The following NLRC5 variants were observed in gnomAD, a reference collection of about 807,000 sequenced individuals.
The protein encoded by NLRC5 is NLR family CARD domain containing 5.
In NLRC5, 114 loss-of-function variants were observed where a neutral mutation model predicts 206.9. That is an observed-to-expected ratio of 0.55 (90% confidence interval 0.47 to 0.64). The LOEUF (loss-of-function observed/expected upper bound fraction) is 0.64. Ranked by LOEUF, NLRC5 falls within the 30% of genes least tolerant of loss-of-function variation. The pLI is 0.00. For missense variants in NLRC5, 2,008 were observed against 2,305.5 expected, an observed-to-expected ratio of 0.87 and a Z score of 2.64; for synonymous variants, 952 against 962.8, an observed-to-expected ratio of 0.99 and a Z score of 0.21.
intron 17 of NLRC5, chr16:57,041,230 T>C: frequency 2.1e-6 from 1 of 482,098 alleles, no homozygotes; most frequent in Non-Finnish European, 3.7e-6. Flanking sequence ...TCTGATCTGC[T>C]CTCTCTCTCT....
intron 13 of NLRC5, among the ~76,000 whole-genome samples, chr16:57,035,651 G>A (rs2062459302): frequency 6.6e-6 from 1 of 152,164 alleles, no homozygotes; most frequent in African/African-American, 2.4e-5. Flanking sequence ...CAACAAATAA[G>A]CCATCCCCGA....
Position 57,077,788 on chromosome 16 carries a change from C to T in NLRC5, c.4989C>T (p.Arg1663=), listed in dbSNP as rs748053462. Residue 1663 remains arginine (R), a synonymous_variant, in exon 42 of 49, where the codon CGC becomes CGT. Transcript: ENST00000688547. ...QLAESLVLCR[R]LEELMLGCNA... is the part of the protein sequence containing the mutation. ...CAGAGTCTCTCGTTCTTTGCAGGCG[C>T]CTGGAGGAGTTGATGTGAGTGTCTG... 3.1e-6 allele frequency: 5 copies of T among 1,603,852 alleles called. No individual in the cohort carries two copies. Among genetic ancestry groups the T allele is most frequent in the Non-Finnish European group, 2.6e-6 (3 of 1,173,906 alleles).
intron 15 of NLRC5, among the ~76,000 whole-genome samples, chr16:57,038,988 C>A (rs1334418007): frequency 6.6e-6 from 1 of 150,998 alleles, no homozygotes; most frequent in Non-Finnish European, 1.5e-5. Flanking sequence ...AATCTGTTCC[C>A]ATCAATAATG....
At chr16:57,041,179 A>G (rs2063234993) in intron 17 of NLRC5, 3 of 404,530 alleles carry the variant, frequency 7.4e-6, no homozygotes, top group Middle Eastern at 6.8e-4. Flanking sequence ...TTTCTGTTTT[A>G]TCAGTTTATT....
chr16:57,009,058 C>T (rs1250803554), intron 1 of NLRC5, among the ~76,000 whole-genome samples: 3 of 152,030 alleles, frequency 2.0e-5, no homozygotes, highest in South Asian at 2.1e-4. Context: ...TTTGGGAGGC[C>T]GAGGTGGGTG....
intron 24 of NLRC5, among the ~76,000 whole-genome samples, chr16:57,052,013 G>A (rs909008766): frequency 3.3e-5 from 5 of 152,068 alleles, no homozygotes; most frequent in East Asian, 3.8e-4. Context: ...CCCCACCCAC[G>A]GAGGGTCACC....
intron 45 of NLRC5, 65 bp downstream of exon 45, chr16:57,079,357 G>T: frequency 6.4e-7 from 1 of 1,565,600 alleles, no homozygotes; most frequent in South Asian, 1.1e-5. Context: ...TTCTCTGACT[G>T]AGCCTAACAC....
chr16:57,014,073 C>T (rs1037810483), intron 1 of NLRC5: 1 of 266,722 alleles, frequency 3.7e-6, no homozygotes, highest in South Asian at 3.9e-5. Flanking sequence ...AGTTTGATGA[C>T]ACCATTAAGG....
At chr16:57,020,079 G>T (rs143234073) in intron 2 of NLRC5, among the ~76,000 whole-genome samples, 41 of 152,082 alleles carry the variant, frequency 2.7e-4, no homozygotes, top group African/African-American at 8.9e-4. Flanking sequence ...CCATGGAGAG[G>T]CCACTTCCCT....
chr16:57,020,477 C>A (rs1230411404), intron 2 of NLRC5, among the ~76,000 whole-genome samples: 23 of 103,822 alleles, frequency 2.2e-4, no homozygotes, highest in Non-Finnish European at 4.1e-4. Context: ...GTTCCCCTGT[C>A]CCCCAGCTCA....
intron 30 of NLRC5, among the ~76,000 whole-genome samples, chr16:57,060,578 A>G (rs1451640239): frequency 1.3e-5 from 2 of 151,580 alleles, no homozygotes; most frequent in Admixed American, 6.6e-5. Flanking sequence ...CCCCACATAC[A>G]TACCTGGCAC....
chr16:57,071,583 G>T (rs2067781951), intron 38 of NLRC5, among the ~76,000 whole-genome samples: 1 of 138,464 alleles, frequency 7.2e-6, no homozygotes. Context: ...GGTTAATGGG[G>T]AAGGGGGTGA....
intron 1 of NLRC5, among the ~76,000 whole-genome samples, chr16:57,015,771 T>C (rs2059997992): frequency 6.6e-6 from 1 of 150,512 alleles, no homozygotes; most frequent in African/African-American, 2.4e-5. Flanking sequence ...CTACTAAAAA[T>C]ACAAAATTAG....
chr16:57,036,808 G>A (rs1385259337), intron 14 of NLRC5, among the ~76,000 whole-genome samples: 1 of 152,034 alleles, frequency 6.6e-6, no homozygotes, highest in Non-Finnish European at 1.5e-5. Flanking sequence ...GAAAGTAATT[G>A]AATGTCTCTG....
At chr16:57,074,116 GAAGTAC>G (rs879866778) in intron 38 of NLRC5, 2 of 159,088 alleles carry the variant, frequency 1.3e-5, no homozygotes, top group Non-Finnish European at 2.8e-5. Context: ...GGGGCCTCTA[GAAGTAC>G]AATCGCCTGG....
At chr16:57,008,265 T>A (rs2059134245) in intron 1 of NLRC5, among the ~76,000 whole-genome samples, 1 of 152,180 alleles carries the variant, frequency 6.6e-6, no homozygotes, top group South Asian at 2.1e-4. Flanking sequence ...TTTTCCCATG[T>A]TTTGTTTGAG....
chr16:57,019,868 C>T (rs757789811), intron 2 of NLRC5, among the ~76,000 whole-genome samples: 1 of 152,098 alleles, frequency 6.6e-6, no homozygotes, highest in Non-Finnish European at 1.5e-5. Flanking sequence ...GTTGTCTCTG[C>T]CATGAGGTTA....
At chr16:57,064,404 A>G (rs933151448) in intron 32 of NLRC5, among the ~76,000 whole-genome samples, 3 of 152,226 alleles carry the variant, frequency 2.0e-5, no homozygotes, top group Non-Finnish European at 2.9e-5. Flanking sequence ...TAAAGAAGAC[A>G]TAAAATAAAA....
rs149309896 is a variant in NLRC5 at position 57,036,194 on chromosome 16, C to T, written c.2711+11C>T. 6.2e-7 allele frequency: 1 copy of T among 1,611,706 alleles called. No individual in the cohort carries two copies. Among genetic ancestry groups the T allele is most frequent in the African/African-American group, 1.3e-5 (1 of 74,960 alleles). ...CGCCAGGAAGCTGGAGTGAGTTGTC[C>T]ACCCCACCGCTGGGTACCAGGGAAG... On this transcript the variant is annotated intron_variant, in intron 14 of 48. Coordinates refer to ENST00000688547, the MANE Select transcript of NLRC5 (RefSeq NM_001384950.1).
Sources: gnomAD v4.1 joint callset for allele counts (sites outside exome capture counted in the v4.1 genomes callset) on GRCh38, gnomAD v4.1.1 for gene constraint, MANE v1.5 for transcripts, NCBI Gene and HGNC (gene_info 2026-07-23, HGNC 2026-07-21) for gene names.